PHF14: variants seen among roughly 807,000 people sequenced by gnomAD.
The protein encoded by PHF14 is PHD finger protein 14.
In PHF14, 55 loss-of-function variants were observed where a neutral mutation model predicts 117.9. The ratio of observed to expected loss-of-function variants is 0.47; its 90% CI spans 0.38 to 0.58. The LOEUF (loss-of-function observed/expected upper bound fraction) is 0.58. Ranked by LOEUF, PHF14 falls within the 20% of genes least tolerant of loss-of-function variation. The pLI, the probability that PHF14 is intolerant of heterozygous loss-of-function variation, is 0.00. For missense variants in PHF14, 978 were observed against 1,122.2 expected, an observed-to-expected ratio of 0.87 and a Z score of 1.84; for synonymous variants, 409 against 368.6, an observed-to-expected ratio of 1.11 and a Z score of -1.26.
At chr7:11,077,676 T>A (rs962277408) in intron 16 of PHF14, among the ~76,000 whole-genome samples, 13 of 151,130 alleles carry the variant, frequency 8.6e-5, no homozygotes, top group Non-Finnish European at 1.9e-4. Flanking sequence ...GGAGAACAGA[T>A]ATACCTCGTA....
At chr7:11,007,106 G>A (rs549072484) in intron 4 of PHF14, among the ~76,000 whole-genome samples, 31 of 151,998 alleles carry the variant, frequency 2.0e-4, no homozygotes, top group Non-Finnish European at 4.0e-4. Flanking sequence ...GAACCCAGGA[G>A]GGCTTGAACC....
chr7:10,990,064 T>C (rs1004564894), intron 3 of PHF14, among the ~76,000 whole-genome samples: 7 of 151,746 alleles, frequency 4.6e-5, no homozygotes, highest in African/African-American at 1.7e-4. Context: ...TTTTAGATTA[T>C]TTTCTGTATC....
intron 17 of PHF14, among the ~76,000 whole-genome samples, chr7:11,126,349 T>G (rs529009179): frequency 6.6e-6 from 1 of 152,162 alleles, no homozygotes; most frequent in Non-Finnish European, 1.5e-5. Context: ...AAGTACATAT[T>G]TTTAGGATAC....
At chr7:11,116,142 A>G (rs1414425651) in intron 17 of PHF14, among the ~76,000 whole-genome samples, 1 of 152,040 alleles carries the variant, frequency 6.6e-6, no homozygotes, top group Non-Finnish European at 1.5e-5. Flanking sequence ...TCAAATTACT[A>G]CAAATTCAGC....
Position 10,982,358 on chromosome 7 carries a change from C to A in PHF14, c.113-14C>A. 24 of 1,462,164 alleles carry A rather than the reference C, an allele frequency of 1.6e-5. No individual in the cohort carries two copies. The highest frequency in any genetic ancestry group is 1.5e-5 in the South Asian group (1 of 67,456). 90.6% of individuals were successfully genotyped at this position (1,462,164 alleles called of 1,614,324 possible). On this transcript the variant is annotated splice_polypyrimidine_tract_variant and intron_variant, in intron 2 of 17. Coordinates refer to ENST00000634607, the MANE Select transcript of PHF14 (RefSeq NM_001007157.2). ...TACATATGTGTGGTTTTTTTTTTCTCATATTTTCAACAGATTCTGAAGGGA... is the reference window on the plus strand; with the variant it reads ...TACATATGTGTGGTTTTTTTTTTCTAATATTTTCAACAGATTCTGAAGGGA...
intron 16 of PHF14, chr7:11,103,846 T>TTA: frequency 1.1e-5 from 11 of 980,940 alleles, no homozygotes; most frequent in Non-Finnish European, 1.3e-5. Flanking sequence ...TATAAACAGA[T>TTA]TATTAGCTTA....
At chr7:11,121,870 A>G (rs1787766727) in intron 17 of PHF14, among the ~76,000 whole-genome samples, 1 of 151,746 alleles carries the variant, frequency 6.6e-6, no homozygotes, top group African/African-American at 2.4e-5. Context: ...TTTTTTCTAT[A>G]AGTTCTGGGG....
chr7:11,078,348 C>T (rs563658201), intron 16 of PHF14, among the ~76,000 whole-genome samples: 4 of 151,964 alleles, frequency 2.6e-5, no homozygotes, highest in South Asian at 2.1e-4. Flanking sequence ...CTTGAAAATT[C>T]GGTCAATAAC....
At chr7:11,054,499 A>G (rs4720932) in intron 14 of PHF14, among the ~76,000 whole-genome samples, 2,703 of 152,188 alleles carry the variant, frequency 0.018, 76 homozygotes, top group African/African-American at 0.062. Flanking sequence ...GAAGGGAGTG[A>G]TCAGTCATTT....
chr7:11,083,076 A>G (rs946094514), intron 16 of PHF14, among the ~76,000 whole-genome samples: 2 of 152,154 alleles, frequency 1.3e-5, no homozygotes, highest in Non-Finnish European at 2.9e-5. Context: ...TATCTAAGAA[A>G]AAGTTCAAAT....
At chr7:11,081,212 G>A (rs1184067343) in intron 16 of PHF14, among the ~76,000 whole-genome samples, 7 of 152,092 alleles carry the variant, frequency 4.6e-5, no homozygotes, top group Admixed American at 3.9e-4. Context: ...TTTTACCCTG[G>A]TAGTAGAAAA....
intron 11 of PHF14, 44 bp downstream of exon 11, chr7:11,038,899 T>C: frequency 1.1e-6 from 1 of 887,858 alleles, no homozygotes; most frequent in Non-Finnish European, 1.7e-6. Context: ...TCTTGCTCCC[T>C]ATATGATTTT....
At position 11,102,360 on chromosome 7, in the gene PHF14, C is replaced by G. The variant is rs534047481; in HGVS notation, c.2655-8990C>G. 136 of 940,762 alleles carry G rather than the reference C, an allele frequency of 1.4e-4. No individual in the cohort carries two copies. In the South Asian group the frequency reaches 2.1e-3, roughly 15 times the overall value. 58.3% of individuals were successfully genotyped at this position (940,762 alleles called of 1,614,324 possible). On this transcript the variant is annotated intron_variant, in intron 16 of 17. Transcript: ENST00000634607. ...TGGCATTTAGGTTTAGAGTATCTAT[C>G]TCTTTGGACCAGATCATATGTTATT...
At chr7:10,996,324 C>T (rs1208680005) in intron 4 of PHF14, among the ~76,000 whole-genome samples, 1 of 152,074 alleles carries the variant, frequency 6.6e-6, no homozygotes, top group African/African-American at 2.4e-5. Context: ...GATGTTAGGA[C>T]TAGAAATTTA....
At chr7:11,061,893 T>G in intron 15 of PHF14, 52 bp downstream of exon 15, 2 of 1,517,256 alleles carry the variant, frequency 1.3e-6, no homozygotes, top group Non-Finnish European at 8.8e-7. Flanking sequence ...GAAATTTTCT[T>G]GCTTAAAATT....
chr7:11,012,162 AT>A (rs1783378662), intron 4 of PHF14, among the ~76,000 whole-genome samples: 1 of 152,220 alleles, frequency 6.6e-6, no homozygotes. Flanking sequence ...TTACCAAGAT[AT>A]TGTCAATGAA....
At position 10,983,253 on chromosome 7, in the gene PHF14, A is replaced by G; in HGVS notation, c.900+94A>G. ...CATTGTATTAAGTGGCTTCCTTGAAATCCTATTTATAGACGGCTGTGGGAT... is the reference window on the plus strand; with the variant it reads ...CATTGTATTAAGTGGCTTCCTTGAAGTCCTATTTATAGACGGCTGTGGGAT... On this transcript the variant is annotated intron_variant, in intron 3 of 17. Transcript: ENST00000634607. The G allele has an allele frequency of 2.9e-6, 4 of 1,383,382 alleles. No individual in the cohort carries two copies. In the South Asian group the frequency reaches 5.9e-5, roughly 20 times the overall value. 85.7% of individuals were successfully genotyped at this position (1,383,382 alleles called of 1,614,324 possible). A position where few individuals can be genotyped will look rare whatever the true frequency, so the allele number is the denominator to read the frequency against.
At chr7:11,132,077 T>G (rs1016746232) in intron 17 of PHF14, among the ~76,000 whole-genome samples, 3 of 151,842 alleles carry the variant, frequency 2.0e-5, no homozygotes, top group Admixed American at 6.6e-5. Flanking sequence ...TGTCACATAA[T>G]TACCATTTTT....
At chr7:11,115,750 TTTC>T (rs1473262290) in intron 17 of PHF14, among the ~76,000 whole-genome samples, 4 of 152,088 alleles carry the variant, frequency 2.6e-5, no homozygotes, top group African/African-American at 9.6e-5. Flanking sequence ...AGTTTTCATA[TTTC>T]TTTTGTCTTG....
Sources: allele counts gnomAD v4.1 joint callset (sites outside exome capture counted in the v4.1 genomes callset), GRCh38; gene constraint gnomAD v4.1.1; transcripts MANE v1.5; gene names NCBI Gene and HGNC (gene_info 2026-07-23, HGNC 2026-07-21).